The following SAMMSON variants were observed in gnomAD, a reference collection of about 807,000 sequenced individuals.
The protein encoded by SAMMSON is survival associated mitochondrial melanoma specific oncogenic non-coding RNA.
intron 6 of SAMMSON, among the ~76,000 whole-genome samples, chr3:70,289,424 G>A (rs1435613223): frequency 6.7e-6 from 1 of 148,594 alleles, no homozygotes; most frequent in African/African-American, 2.5e-5. Context: ...TCTGCCGAGA[G>A]ATCCGCTGTT....
At chr3:70,193,997 T>C (rs2106713776) in intron 4 of SAMMSON, among the ~76,000 whole-genome samples, 1 of 152,362 alleles carries the variant, frequency 6.6e-6, no homozygotes, top group East Asian at 1.9e-4. Flanking sequence ...CCAGCATTGA[T>C]AATTAATTTT....
chr3:70,285,278 A>G (rs1322250692), intron 6 of SAMMSON, among the ~76,000 whole-genome samples: 13 of 140,700 alleles, frequency 9.2e-5, no homozygotes, highest in East Asian at 8.7e-4. Context: ...TCATTGTTCA[A>G]TTCCCACCTA....
chr3:70,258,104 C>T (rs1157955447), intron 6 of SAMMSON, among the ~76,000 whole-genome samples: 1 of 152,126 alleles, frequency 6.6e-6, no homozygotes, highest in Non-Finnish European at 1.5e-5. Context: ...TGAATCCCAA[C>T]TTTCATTTCA....
chr3:70,345,079 ATATC>A (rs1356961359), intron 7 of SAMMSON, among the ~76,000 whole-genome samples: 1 of 152,208 alleles, frequency 6.6e-6, no homozygotes, highest in Non-Finnish European at 1.5e-5. Flanking sequence ...GTAACAATCT[ATATC>A]TATATGAAAT....
intron 4 of SAMMSON, among the ~76,000 whole-genome samples, chr3:70,137,993 A>G (rs1477305411): frequency 6.6e-6 from 1 of 152,142 alleles, no homozygotes; most frequent in East Asian, 1.9e-4. Flanking sequence ...TTGTCATTAT[A>G]AGCATTGGTA....
At chr3:70,020,845 C>A (rs1203824778) in intron 3 of SAMMSON, among the ~76,000 whole-genome samples, 1 of 152,120 alleles carries the variant, frequency 6.6e-6, no homozygotes, top group Non-Finnish European at 1.5e-5. Context: ...AGGAAACATG[C>A]ATCCTTATAT....
At chr3:70,290,904 C>T (rs1182006293) in intron 6 of SAMMSON, among the ~76,000 whole-genome samples, 1 of 152,174 alleles carries the variant, frequency 6.6e-6, no homozygotes, top group African/African-American at 2.4e-5. Context: ...GGCAATGCCT[C>T]GCCCTGCTTC....
chr3:70,318,580 T>C (rs888633903), intron 7 of SAMMSON, among the ~76,000 whole-genome samples: 3 of 151,932 alleles, frequency 2.0e-5, no homozygotes. Context: ...TTATTATACC[T>C]AGTTTAAAGT....
At chr3:70,113,424 A>G (rs1336493520) in intron 4 of SAMMSON, among the ~76,000 whole-genome samples, 5 of 152,246 alleles carry the variant, frequency 3.3e-5, no homozygotes, top group African/African-American at 1.2e-4. Context: ...ATTATATACA[A>G]GCAGTCTATT....
chr3:70,075,700 T>C (rs1172981814), intron 4 of SAMMSON, among the ~76,000 whole-genome samples: 4 of 152,136 alleles, frequency 2.6e-5, no homozygotes, highest in Admixed American at 2.0e-4. Flanking sequence ...GTTGTAGTGA[T>C]AAAAGATTTC....
intron 4 of SAMMSON, among the ~76,000 whole-genome samples, chr3:70,105,310 G>A (rs1001946812): frequency 6.6e-6 from 1 of 152,114 alleles, no homozygotes; most frequent in Non-Finnish European, 1.5e-5. Context: ...CTTTGTGTTG[G>A]GGGCATACCA....
intron 3 of SAMMSON, among the ~76,000 whole-genome samples, chr3:70,057,302 A>G (rs542939553): frequency 2.0e-5 from 3 of 152,070 alleles, no homozygotes; most frequent in South Asian, 2.1e-4. Flanking sequence ...TTGAATGCGT[A>G]TCTTCTTTTG....
intron 4 of SAMMSON, among the ~76,000 whole-genome samples, chr3:70,147,910 G>A (rs1468986192): frequency 1.3e-5 from 2 of 152,004 alleles, no homozygotes; most frequent in African/African-American, 2.4e-5. Context: ...TTCCAACAAA[G>A]GACTTATAGC....
At position 70,278,544 on chromosome 3, in the gene SAMMSON, G is replaced by A. The variant is rs1281160389; in HGVS notation, n.675-12635G>A. Among the ~76,000 whole-genome samples the A allele has an allele frequency of 4.6e-5, 7 of 152,184 alleles. No individual in the cohort carries two copies. The South Asian group carries it at 6.2e-4, about 13-fold the overall frequency. On this transcript the variant is annotated intron_variant and non_coding_transcript_variant, in intron 6 of 9. Coordinates refer to ENST00000642114, the Ensembl canonical transcript of SAMMSON. ...GACTGTATGAGAGTTCAGTCACTCT[G>A]TGCTGTTGTCAGCATTTAGTGTTTT...
chr3:70,420,643 T>G (rs1332352857), intron 2 of SAMMSON, among the ~76,000 whole-genome samples: 1 of 152,232 alleles, frequency 6.6e-6, no homozygotes, highest in Admixed American at 6.5e-5. Flanking sequence ...TTTATTTTGA[T>G]GGGATTATTA....
chr3:70,313,305 A>C (rs975915298), intron 7 of SAMMSON, among the ~76,000 whole-genome samples: 5 of 152,012 alleles, frequency 3.3e-5, no homozygotes, highest in African/African-American at 1.2e-4. Flanking sequence ...CCATTTCTAC[A>C]AAAATTTAAA....
intron 4 of SAMMSON, among the ~76,000 whole-genome samples, chr3:70,209,342 C>A (rs1559535443): frequency 6.6e-6 from 1 of 152,172 alleles, no homozygotes; most frequent in East Asian, 1.9e-4. Context: ...CCTTGTGGGA[C>A]AAAATCACTG....
intron 2 of SAMMSON, among the ~76,000 whole-genome samples, chr3:70,415,748 A>G (rs1701260071): frequency 6.6e-6 from 1 of 152,226 alleles, no homozygotes; most frequent in Non-Finnish European, 1.5e-5. Flanking sequence ...GAAGAGTAAC[A>G]TTAGAATACT....
At chr3:70,263,872 C>A (rs776171907) in intron 6 of SAMMSON, among the ~76,000 whole-genome samples, 1 of 152,078 alleles carries the variant, frequency 6.6e-6, no homozygotes, top group South Asian at 2.1e-4. Flanking sequence ...ACTTTGTTTC[C>A]TTTCTCTCGG....
Sources: gnomAD v4.1 joint callset for allele counts (sites outside exome capture counted in the v4.1 genomes callset) on GRCh38, gnomAD v4.1.1 for gene constraint, MANE v1.5 for transcripts, NCBI Gene and HGNC (gene_info 2026-07-23, HGNC 2026-07-21) for gene names.